Variants in SLC12A5 observed in about 807,000 individuals in gnomAD.
SLC12A5 encodes K-Cl cotransporter 2.
SLC12A5 carries 18 observed loss-of-function variants against 124.0 expected under a neutral mutation model. The observed-to-expected ratio is 0.15, with a 90% CI of 0.10 to 0.22. The LOEUF (loss-of-function observed/expected upper bound fraction) is 0.22. Among genes scored for constraint, SLC12A5 ranks in the 10% least tolerant of loss-of-function variants. SLC12A5 has a pLI of 1.00. For synonymous variants in SLC12A5, 589 were observed against 568.0 expected, an observed-to-expected ratio of 1.04 and a Z score of -0.53; for missense variants, 867 against 1,478.7, an observed-to-expected ratio of 0.59 and a Z score of 6.78.
chr20:46,027,308 A>G (rs902140779), upstream of SLC12A5, among the ~76,000 whole-genome samples: 5 of 152,178 alleles, frequency 3.3e-5, no homozygotes, highest in African/African-American at 1.2e-4. Flanking sequence ...TATCCAAAAA[A>G]CCAAGTGGCA....
Position 46,049,675 on chromosome 20 carries a change from C to A in SLC12A5, c.2066C>A (p.Pro689His). 1 of 1,606,136 alleles carries A rather than the reference C, an allele frequency of 6.2e-7. No homozygotes were observed. Among genetic ancestry groups the A allele is most frequent in the East Asian group, 2.2e-5 (1 of 44,598 alleles). The change falls in exon 17 of 26, where the codon CCC (proline) becomes CAC (histidine). Residue 689 changes from proline (P) to histidine (H), a missense_variant. Transcript: ENST00000243964. ...GACCAAGACCAGAATGTGGTGCACC[C>A]CCAGCTGCTCTCACTGACCTCCCAG... is the stretch of plus-strand genomic sequence containing the variant. ...RVDQDQNVVH[P>H]QLLSLTSQLK... is the part of the protein sequence containing the mutation.
chr20:46,056,589 G>A lies in SLC12A5; in HGVS notation c.3110+25G>A. 7 of 1,603,434 alleles carry A rather than the reference G, an allele frequency of 4.4e-6. No individual in the cohort carries two copies. Among genetic ancestry groups the A allele is most frequent in the Middle Eastern group, 1.7e-4 (1 of 5,950 alleles). On this transcript the variant is annotated intron_variant, in intron 23 of 25. Transcript: ENST00000243964. The surrounding 1 kb of genome is among the most constrained non-coding windows in gnomAD (Gnocchi z 4.3). The stretch of plus-strand genomic sequence containing the variant: ...CGTACGGGCCTGGGGGCTAAGGGCT[G>A]GGGGCTGGGGTGAGCTAAAGGGTCT...
intron 5 of SLC12A5, 109 bp downstream of exon 5, chr20:46,036,904 G>A: frequency 7.1e-7 from 1 of 1,402,826 alleles, no homozygotes; most frequent in Non-Finnish European, 1.0e-6. Flanking sequence ...TTCTAGACTA[G>A]GGGGCTGGGC....
At chr20:46,028,467 G>A (rs2145472306), upstream of SLC12A5, among the ~76,000 whole-genome samples, 1 of 152,230 alleles carries the variant, frequency 6.6e-6, no homozygotes, top group Non-Finnish European at 1.5e-5. Flanking sequence ...ACTTGTCTTG[G>A]GGGTGGGACG....
upstream of SLC12A5, chr20:46,028,915 G>A (rs2084420201): frequency 6.0e-6 from 1 of 167,404 alleles, no homozygotes; most frequent in Non-Finnish European, 1.3e-5. Flanking sequence ...GCCGGGCCCC[G>A]CCCGGAGAGT....
chr20:46,039,626 T>C (rs2084527814), intron 6 of SLC12A5, among the ~76,000 whole-genome samples: 1 of 151,932 alleles, frequency 6.6e-6, no homozygotes, highest in Non-Finnish European at 1.5e-5. Flanking sequence ...AATACAAAAA[T>C]TAGCCAGGGG....
At chr20:46,043,052 G>T (rs1336493428) in intron 8 of SLC12A5, 101 bp from the exon 9 acceptor site, 4 of 1,126,882 alleles carry the variant, frequency 3.5e-6, no homozygotes, top group Non-Finnish European at 3.9e-6. Flanking sequence ...GTGAGATGGG[G>T]TTGATCTTGA....
intron 11 of SLC12A5, among the ~76,000 whole-genome samples, chr20:46,044,306 C>T (rs1216146101): frequency 6.6e-6 from 1 of 152,000 alleles, no homozygotes; most frequent in Non-Finnish European, 1.5e-5. Context: ...GGTTTTTGTA[C>T]TGAAGGAGCT....
intron 1 of SLC12A5, chr20:46,022,119 A>T: frequency 9.1e-4 from 70 of 76,932 alleles, no homozygotes; most frequent in East Asian, 3.3e-3. Context: ...CACGAGGGAA[A>T]GGGGTGGGGC....
intron 5 of SLC12A5, among the ~76,000 whole-genome samples, 194 bp downstream of exon 5, chr20:46,036,989 A>G (rs1456622114): frequency 6.6e-6 from 1 of 151,108 alleles, no homozygotes; most frequent in African/African-American, 2.4e-5. Flanking sequence ...CCCTCCCCCA[A>G]CTCATCCTGA....
chr20:46,026,501 G>C (rs1227802474), upstream of SLC12A5, among the ~76,000 whole-genome samples: 1 of 152,220 alleles, frequency 6.6e-6, no homozygotes, highest in Non-Finnish European at 1.5e-5. Context: ...TTGGCTGGAG[G>C]CCAGAATAGG....
At chr20:46,041,663 C>G in intron 8 of SLC12A5, 123 bp downstream of exon 8, 1 of 956,360 alleles carries the variant, frequency 1.0e-6, no homozygotes, top group East Asian at 2.6e-5. Context: ...TGAGCACCTA[C>G]TCTGAGTTAC....
intron 11 of SLC12A5, among the ~76,000 whole-genome samples, chr20:46,044,483 T>G (rs570595933): frequency 1.2e-4 from 19 of 152,304 alleles, no homozygotes; most frequent in African/African-American, 3.6e-4. Context: ...TCACTTATCC[T>G]TCCTGCTTTT....
At chr20:46,044,887 T>A in intron 11 of SLC12A5, 79 bp from the exon 12 acceptor site, 2 of 1,547,008 alleles carry the variant, frequency 1.3e-6, no homozygotes. Flanking sequence ...CACAGTTGGT[T>A]CTGTAGTTGG....
Position 46,053,815 on chromosome 20 carries a change from C to A in SLC12A5, c.2679+106C>A, listed in dbSNP as rs2084666563. ...CACCCATCAGCTTATGATGCTGGAT[C>A]CTTTCCCCCTCATCCATCTCTTAGC... On this transcript the variant is annotated intron_variant, in intron 20 of 25. Transcript: ENST00000243964. The surrounding 1 kb of genome is among the most constrained non-coding windows in gnomAD (Gnocchi z 4.7). The A allele has an allele frequency of 1.6e-6, 2 of 1,251,778 alleles. No homozygotes were observed. The highest frequency in any genetic ancestry group is 1.5e-5 in the African/African-American group (1 of 65,380). 77.5% of individuals were successfully genotyped at this position (1,251,778 alleles called of 1,614,324 possible). A position where few individuals can be genotyped will look rare whatever the true frequency, so the allele number is the denominator to read the frequency against.
At chr20:46,021,818 G>A, upstream of SLC12A5, 1 of 1,534,488 alleles carries the variant, frequency 6.5e-7, no homozygotes, top group South Asian at 1.2e-5. Flanking sequence ...CCCGCCAGAA[G>A]CCCTGACCCA....
Position 46,053,670 on chromosome 20 carries a change from T to C in SLC12A5, c.2640T>C (p.Tyr880=). 1 of 1,612,504 alleles carries C rather than the reference T, an allele frequency of 6.2e-7. No homozygotes were observed. The highest frequency in any genetic ancestry group is 8.5e-7 in the Non-Finnish European group (1 of 1,178,906). ...QMKKDLTTFL[Y]HLRITAEVEV... ...AGAAGGATCTGACCACATTTCTGTA[T>C]CATTTACGCATCACTGCGGAGGTCG... Residue 880 remains tyrosine, a synonymous_variant, in exon 20 of 26, where the codon TAT becomes TAC. Transcript: ENST00000243964. This position sits in a 1 kb window ranked among gnomAD's most constrained non-coding sequence, Gnocchi z 4.7.
intron 18 of SLC12A5, 57 bp from the exon 19 acceptor site, chr20:46,052,900 G>T (rs1055692419): frequency 9.2e-6 from 14 of 1,524,164 alleles, no homozygotes; most frequent in Middle Eastern, 1.7e-4. Flanking sequence ...GCTGCTGGGT[G>T]TTGGGAGAAC....
chr20:46,022,323 G>A (rs1360305021), intron 1 of SLC12A5, among the ~76,000 whole-genome samples: 1 of 151,446 alleles, frequency 6.6e-6, no homozygotes, highest in East Asian at 2.0e-4. Flanking sequence ...GCCCCTAAAG[G>A]GGAGGCGGCG....
Sources: gnomAD v4.1 joint callset for allele counts (sites outside exome capture counted in the v4.1 genomes callset) on GRCh38, gnomAD v4.1.1 for gene constraint, Gnocchi (gnomAD v3.1) non-coding constraint, MANE v1.5 for transcripts, NCBI Gene and HGNC (gene_info 2026-07-23, HGNC 2026-07-21) for gene names.